The following SMOC2 variants were observed in gnomAD, a reference collection of about 807,000 sequenced individuals.
SMOC2 encodes the protein SPARC-related modular calcium-binding protein 2.
SMOC2 carries 39 observed loss-of-function variants against 61.4 expected under a neutral mutation model. That is an observed-to-expected ratio of 0.64 (90% CI 0.49 to 0.83). SMOC2 has a LOEUF of 0.83. Among genes scored for constraint, SMOC2 ranks in the 40% least tolerant of loss-of-function variants. The pLI is 0.00. For synonymous variants in SMOC2, 247 were observed against 239.9 expected (o/e 1.03, Z -0.27); for missense variants, 556 against 592.9 (o/e 0.94, Z 0.65).
intron 1 of SMOC2, among the ~76,000 whole-genome samples, chr6:168,494,923 C>G (rs1782551372): frequency 6.6e-6 from 1 of 152,224 alleles, no homozygotes; most frequent in Non-Finnish European, 1.5e-5. Context: ...GCCTGCAGTT[C>G]CTGGGGAATA....
At chr6:168,554,294 T>C (rs1257909741) in intron 7 of SMOC2, among the ~76,000 whole-genome samples, 1 of 152,248 alleles carries the variant, frequency 6.6e-6, no homozygotes, top group Non-Finnish European at 1.5e-5. Context: ...CTTAAAGTCA[T>C]GCTGAAAAAC....
intron 9 of SMOC2, among the ~76,000 whole-genome samples, chr6:168,625,130 C>T (rs1786366972): frequency 6.6e-6 from 1 of 152,218 alleles, no homozygotes; most frequent in African/African-American, 2.4e-5. Flanking sequence ...GCGTTTGCTC[C>T]CCAAGGTCAC....
At chr6:168,586,856 G>C (rs945831556) in intron 7 of SMOC2, among the ~76,000 whole-genome samples, 6 of 152,074 alleles carry the variant, frequency 3.9e-5, no homozygotes, top group African/African-American at 1.4e-4. Context: ...AATTTTAGCA[G>C]CTTTTGCTTT....
intron 2 of SMOC2, among the ~76,000 whole-genome samples, chr6:168,519,422 C>T (rs1783273233): frequency 6.6e-6 from 1 of 152,294 alleles, no homozygotes; most frequent in African/African-American, 2.4e-5. Flanking sequence ...TTGTGTCTTG[C>T]AGAAACTCTA....
Position 168,527,836 on chromosome 6 carries a change from G to T in SMOC2, c.463+109G>T, listed in dbSNP as rs1401568670. ...GATAATTCAAAGGGAAATCCAGTTT[G>T]GCCGGCATTGTGAGCCACAGTGGGA... is the stretch of plus-strand genomic sequence containing the variant. On this transcript the variant is annotated intron_variant, in intron 4 of 12. Coordinates refer to ENST00000356284, the MANE Select transcript of SMOC2 (RefSeq NM_001166412.2). 3 of 806,424 alleles carry T rather than the reference G, an allele frequency of 3.7e-6. No individual in the cohort carries two copies. The African/African-American group carries it at 5.1e-5, about 14-fold the overall frequency. 50.0% of individuals were successfully genotyped at this position (806,424 alleles called of 1,614,324 possible).
At chr6:168,542,644 G>A (rs1250025240) in intron 4 of SMOC2, among the ~76,000 whole-genome samples, 1 of 152,074 alleles carries the variant, frequency 6.6e-6, no homozygotes, top group East Asian at 1.9e-4. Context: ...TCTGGGCACT[G>A]TGACCTCGAG....
At chr6:168,616,378 C>T (rs769270072) in intron 9 of SMOC2, among the ~76,000 whole-genome samples, 2 of 152,132 alleles carry the variant, frequency 1.3e-5, no homozygotes, top group South Asian at 2.1e-4. Flanking sequence ...GAGGCTGGGA[C>T]AAGGACTGGG....
chr6:168,518,758 T>G (rs560530500), intron 2 of SMOC2, among the ~76,000 whole-genome samples: 214 of 151,018 alleles, frequency 1.4e-3, no homozygotes, highest in African/African-American at 4.5e-3. Context: ...CATGTGTGTG[T>G]GTTCATGTGC....
intron 9 of SMOC2, among the ~76,000 whole-genome samples, chr6:168,638,006 G>A (rs1786788132): frequency 6.6e-6 from 1 of 150,750 alleles, no homozygotes. Context: ...AGCGCCCAGG[G>A]AAGGATTCCC....
chr6:168,530,498 C>T (rs1783563005), intron 4 of SMOC2, among the ~76,000 whole-genome samples: 2 of 152,018 alleles, frequency 1.3e-5, no homozygotes, highest in South Asian at 4.1e-4. Context: ...AGGAAAAAAT[C>T]CTGATGACCA....
chr6:168,613,081 C>T (rs1430011114), intron 9 of SMOC2, among the ~76,000 whole-genome samples: 1 of 152,174 alleles, frequency 6.6e-6, no homozygotes, highest in Non-Finnish European at 1.5e-5. Context: ...TGGCTTTCCT[C>T]TGGGCGTTGC....
chr6:168,590,211 G>T (rs1333885305), intron 7 of SMOC2, among the ~76,000 whole-genome samples: 1 of 110,326 alleles, frequency 9.1e-6, no homozygotes, highest in Non-Finnish European at 1.9e-5. Context: ...AGCCGGCCTG[G>T]TGTTGGTCAG....
Position 168,564,102 on chromosome 6 carries a change from G to A in SMOC2, c.637+14899G>A, listed in dbSNP as rs9355226. Reference sequence around the variant, plus strand: ...TGGCAACTATTATCAATAAGGTTTTGTACATATTTTAATTTTTCCCAAATT... The same window carrying A: ...TGGCAACTATTATCAATAAGGTTTTATACATATTTTAATTTTTCCCAAATT... On this transcript the variant is annotated intron_variant, in intron 7 of 12. Transcript: ENST00000356284. 7.2e-5 allele frequency among the ~76,000 whole-genome samples: 11 copies of A among 152,258 alleles called. No homozygotes were observed. The East Asian group carries it at 2.1e-3, about 29-fold the overall frequency.
intron 8 of SMOC2, among the ~76,000 whole-genome samples, chr6:168,600,459 T>C (rs1785522156): frequency 6.9e-6 from 1 of 144,756 alleles, no homozygotes; most frequent in Non-Finnish European, 1.5e-5. Context: ...TAGTTTCAAC[T>C]GTTGGAAACT....
intron 9 of SMOC2, among the ~76,000 whole-genome samples, chr6:168,625,471 C>T (rs935134524): frequency 6.6e-6 from 1 of 152,230 alleles, no homozygotes; most frequent in Non-Finnish European, 1.5e-5. Flanking sequence ...TCAAATGCCC[C>T]GCATGGCGTT....
intron 4 of SMOC2, among the ~76,000 whole-genome samples, chr6:168,532,864 G>A (rs556384507): frequency 1.5e-4 from 23 of 152,246 alleles, no homozygotes; most frequent in African/African-American, 4.8e-4. Context: ...TGCAGCCATC[G>A]GCCTGTTCCG....
intron 8 of SMOC2, 126 bp from the exon 9 acceptor site, chr6:168,608,031 A>T: frequency 1.3e-6 from 1 of 790,326 alleles, no homozygotes. Flanking sequence ...CATGGGTGTC[A>T]TAGCATCAGA....
intron 1 of SMOC2, among the ~76,000 whole-genome samples, chr6:168,465,292 A>G (rs1229260002): frequency 6.6e-6 from 1 of 152,192 alleles, no homozygotes; most frequent in Admixed American, 6.5e-5. Context: ...ACCCTTGGTT[A>G]TAGATAGAAC....
At chr6:168,552,707 T>C (rs1372813979) in intron 7 of SMOC2, among the ~76,000 whole-genome samples, 2 of 152,196 alleles carry the variant, frequency 1.3e-5, no homozygotes, top group African/African-American at 2.4e-5. Flanking sequence ...AATTTGCACA[T>C]GGTAGCTACA....
Sources: allele counts gnomAD v4.1 joint callset (sites outside exome capture counted in the v4.1 genomes callset), GRCh38; gene constraint gnomAD v4.1.1; transcripts MANE v1.5; gene names NCBI Gene and HGNC (gene_info 2026-07-23, HGNC 2026-07-21).